Variants in GRIK2 observed in about 807,000 individuals in gnomAD.
GRIK2 encodes the protein glutamate receptor ionotropic, kainate 2.
Under a neutral mutation model 100.3 loss-of-function variants are expected in GRIK2, and 32 were observed. The observed-to-expected ratio is 0.32, with a 90% CI of 0.24 to 0.43. The LOEUF is 0.43. Ranked by LOEUF, GRIK2 falls within the 20% of genes least tolerant of loss-of-function variation. GRIK2 has a pLI of 1.00. For missense variants in GRIK2, 843 were observed against 1,114.9 expected, an observed-to-expected ratio of 0.76 and a Z score of 3.47; for synonymous variants, 417 against 389.4, an observed-to-expected ratio of 1.07 and a Z score of -0.83.
rs1554194473 is a variant in GRIK2, at chr6:102,031,129, C to CACACA, written c.2086-4212_2086-4211insACACA. ...CACACACACACACACACACACACACCCCCTTTGAGTTTCTGGATGTCTTTC... is the reference window on the plus strand; with the variant it reads ...CACACACACACACACACACACACACCACACACCCTTTGAGTTTCTGGATGTCTTTC... On this transcript the variant is annotated intron_variant, in intron 14 of 16. Coordinates refer to ENST00000369134, the MANE Select transcript of GRIK2 (RefSeq NM_021956.5). 9.2e-3 allele frequency among the ~76,000 whole-genome samples: 487 copies of CACACA among 52,938 alleles called. 19 individuals are homozygous for CACACA. The highest frequency in any genetic ancestry group is 0.021 in the East Asian group (31 of 1,504). 34.7% of individuals were successfully genotyped at this position (52,938 alleles called of 152,430 possible).
At chr6:101,889,951 TTTTCTG>T in intron 12 of GRIK2, 88 bp downstream of exon 12, 1 of 757,952 alleles carries the variant, frequency 1.3e-6, no homozygotes. Context: ...CAATTTTACT[TTTTCTG>T]TTCTTTATTT....
rs558695898 is a variant in GRIK2, at chr6:101,489,639, G to T, written c.115+90247G>T. On this transcript the variant is annotated intron_variant, in intron 2 of 16. Transcript: ENST00000369134. ...AGTCAAAGAAATTTTTTTAGGGGCT[G>T]TTGAAATGACTATCCAGGTTTATCC... is the stretch of plus-strand genomic sequence containing the variant. Among the ~76,000 whole-genome samples, 2 of 145,910 alleles carry T rather than the reference G, an allele frequency of 1.4e-5. 1 individual carries two copies. The highest frequency in any genetic ancestry group is 5.2e-5 in the African/African-American group (2 of 38,240).
chr6:101,742,216 G>C (rs563548936), intron 7 of GRIK2, among the ~76,000 whole-genome samples: 27 of 152,350 alleles, frequency 1.8e-4, no homozygotes, highest in Admixed American at 7.8e-4. Flanking sequence ...CTGTTACGCA[G>C]TATGCCAATC....
chr6:101,411,037 T>C (rs1775863976), intron 2 of GRIK2, among the ~76,000 whole-genome samples: 1 of 152,052 alleles, frequency 6.6e-6, no homozygotes, highest in Non-Finnish European at 1.5e-5. Flanking sequence ...TTGGAATATA[T>C]GAAGAATATT....
At chr6:101,982,910 A>G in intron 14 of GRIK2, among the ~76,000 whole-genome samples, 1 of 151,784 alleles carries the variant, frequency 6.6e-6, no homozygotes, top group East Asian at 2.0e-4. Flanking sequence ...ACAAAGGTAA[A>G]TCAGCTTCTT....
Position 102,068,330 on chromosome 6 carries a change from T to C in GRIK2, c.2563-17T>C. 6.3e-7 allele frequency: 1 copy of C among 1,579,334 alleles called. No individual in the cohort carries two copies. Among genetic ancestry groups the C allele is most frequent in the Non-Finnish European group, 8.7e-7 (1 of 1,155,392 alleles). ...TATGTATCTTGTAATATTTAATTTT[T>C]CTGTGTTCTTCTGTAGAGGTCCTTC... On this transcript the variant is annotated splice_polypyrimidine_tract_variant and intron_variant, in intron 16 of 16. Coordinates refer to ENST00000369134, the MANE Select transcript of GRIK2 (RefSeq NM_021956.5).
intron 12 of GRIK2, among the ~76,000 whole-genome samples, chr6:101,904,822 ATTAG>A (rs1457342037): frequency 6.6e-6 from 1 of 151,538 alleles, no homozygotes; most frequent in Admixed American, 6.6e-5. Context: ...CAAGAATGAA[ATTAG>A]TTATCTATTC....
chr6:101,968,885 T>C (rs1792866087), intron 14 of GRIK2, among the ~76,000 whole-genome samples: 1 of 152,012 alleles, frequency 6.6e-6, no homozygotes, highest in Non-Finnish European at 1.5e-5. Context: ...CCAATATAAA[T>C]TTATTCATTG....
At position 101,696,024 on chromosome 6, in the gene GRIK2, G is replaced by A. The variant is rs569935384; in HGVS notation, c.951+9671G>A. 9.9e-5 allele frequency among the ~76,000 whole-genome samples: 15 copies of A among 151,898 alleles called. No homozygotes were observed. In the South Asian group the frequency reaches 1.7e-3, roughly 17 times the overall value. On this transcript the variant is annotated intron_variant, in intron 7 of 16. Coordinates refer to ENST00000369134, the MANE Select transcript of GRIK2 (RefSeq NM_021956.5). ...ACAAGCTGCACCATCGTTAAGTAGG[G>A]GATCAATTGTGTGTATCAGATTTTG...
At chr6:101,706,197 C>A (rs1044972952) in intron 7 of GRIK2, among the ~76,000 whole-genome samples, 5 of 151,774 alleles carry the variant, frequency 3.3e-5, no homozygotes, top group African/African-American at 7.3e-5. Context: ...ATTTTCTTGT[C>A]TTTGTTCTAC....
At chr6:101,939,645 A>G (rs534734308) in intron 14 of GRIK2, among the ~76,000 whole-genome samples, 107 of 152,252 alleles carry the variant, frequency 7.0e-4, no homozygotes, top group Non-Finnish European at 1.1e-3. Flanking sequence ...CAGATAGTCA[A>G]TCTTTTAAAA....
At chr6:101,738,225 C>T (rs1478212009) in intron 7 of GRIK2, among the ~76,000 whole-genome samples, 1 of 148,658 alleles carries the variant, frequency 6.7e-6, no homozygotes, top group Non-Finnish European at 1.5e-5. Flanking sequence ...TTGTAATTGA[C>T]AATTGTCAAA....
chr6:101,404,782 A>G (rs986579446), intron 2 of GRIK2, among the ~76,000 whole-genome samples: 1 of 152,190 alleles, frequency 6.6e-6, no homozygotes, highest in Non-Finnish European at 1.5e-5. Flanking sequence ...AAAGTGTTAG[A>G]AGTGCTTCAA....
At chr6:101,937,200 T>C (rs1790670906) in intron 14 of GRIK2, among the ~76,000 whole-genome samples, 1 of 152,118 alleles carries the variant, frequency 6.6e-6, no homozygotes, top group Admixed American at 6.6e-5. Context: ...TTGGAAAACA[T>C]GTGCATGAGG....
chr6:101,829,715 C>T (rs892162108), intron 10 of GRIK2, among the ~76,000 whole-genome samples: 3 of 151,732 alleles, frequency 2.0e-5, no homozygotes, highest in African/African-American at 7.2e-5. Flanking sequence ...ATGAGGAGCA[C>T]TAAAGACAAA....
At chr6:101,529,439 G>A (rs184750891) in intron 2 of GRIK2, among the ~76,000 whole-genome samples, 74 of 151,662 alleles carry the variant, frequency 4.9e-4, no homozygotes, top group East Asian at 1.4e-3. Context: ...TTCTAATGTC[G>A]TTGAGAGTTG....
intron 12 of GRIK2, among the ~76,000 whole-genome samples, chr6:101,907,488 T>G: frequency 6.6e-6 from 1 of 151,710 alleles, no homozygotes; most frequent in East Asian, 1.9e-4. Context: ...AATCCATATT[T>G]AATCATAGAA....
chr6:101,754,216 T>C (rs1776980795), intron 7 of GRIK2, among the ~76,000 whole-genome samples: 2 of 152,208 alleles, frequency 1.3e-5, no homozygotes. Context: ...TGTAAAAGTA[T>C]TCATATGATG....
intron 7 of GRIK2, among the ~76,000 whole-genome samples, chr6:101,761,812 CCTT>C (rs1226498931): frequency 5.1e-5 from 6 of 117,842 alleles, no homozygotes; most frequent in African/African-American, 1.3e-4. Context: ...TTCCTTCCTT[CCTT>C]CTTTTCTTTT....
Sources: allele counts gnomAD v4.1 joint callset (sites outside exome capture counted in the v4.1 genomes callset), GRCh38; gene constraint gnomAD v4.1.1; transcripts MANE v1.5; gene names NCBI Gene and HGNC (gene_info 2026-07-23, HGNC 2026-07-21).